Variants in PAK1 observed in about 807,000 individuals in gnomAD.
The protein encoded by PAK1 is serine/threonine-protein kinase PAK 1.
PAK1 carries 29 observed loss-of-function variants against 67.4 expected under a neutral mutation model. The observed-to-expected ratio is 0.43, with a 90% CI of 0.32 to 0.59. The LOEUF (loss-of-function observed/expected upper bound fraction) is 0.59. Ranked by LOEUF, PAK1 falls within the 20% of genes least tolerant of loss-of-function variation. The pLI is 0.07. For missense variants in PAK1, 337 were observed against 670.7 expected (o/e 0.50, Z 5.50); for synonymous variants, 223 against 237.4 (o/e 0.94, Z 0.56).
chr11:77,387,428 C>A (rs112053682), intron 2 of PAK1, among the ~76,000 whole-genome samples: 6,277 of 152,168 alleles, frequency 0.041, 455 homozygotes, highest in African/African-American at 0.14. Flanking sequence ...GGGTTGAGAA[C>A]AACTAAGAGA....
chr11:77,472,687 G>C (rs996853916), intron 1 of PAK1, among the ~76,000 whole-genome samples: 59 of 152,304 alleles, frequency 3.9e-4, no homozygotes, highest in African/African-American at 1.4e-3. Flanking sequence ...AAATGTAGGA[G>C]GCAAAATTAA....
the PAK1 span, among the ~76,000 whole-genome samples, chr11:77,517,986 C>T: frequency 9.2e-5 from 14 of 152,126 alleles, no homozygotes; most frequent in Non-Finnish European, 1.8e-4. Context: ...AAGCTTCGCT[C>T]GCCTGCCACT....
At chr11:77,504,285 C>CA in the PAK1 span, among the ~76,000 whole-genome samples, 3,684 of 137,582 alleles carry the variant, frequency 0.027, 60 homozygotes, top group African/African-American at 0.048. Context: ...CTTTCTAAAG[C>CA]AAAAAAAAAA....
chr11:77,341,521 A>G (rs1255399551), intron 10 of PAK1, among the ~76,000 whole-genome samples: 2 of 152,224 alleles, frequency 1.3e-5, no homozygotes, highest in East Asian at 3.9e-4. Context: ...TTATGGGCTG[A>G]CATGAGTTAG....
At chr11:77,524,868 A>G in the PAK1 span, among the ~76,000 whole-genome samples, 317 of 152,340 alleles carry the variant, frequency 2.1e-3, 3 homozygotes, top group African/African-American at 6.9e-3. Context: ...TTACCTGTCA[A>G]AGAAAAAGCA....
intron 14 of PAK1, among the ~76,000 whole-genome samples, chr11:77,332,366 A>AGGGG (rs1297916385): frequency 3.7e-3 from 1 of 272 alleles, no homozygotes; most frequent in Non-Finnish European, 0.01. Context: ...AGGGAAGGGA[A>AGGGG]AGGAAGGGAA....
chr11:77,483,414 C>T, the PAK1 span, among the ~76,000 whole-genome samples: 1 of 152,156 alleles, frequency 6.6e-6, no homozygotes, highest in African/African-American at 2.4e-5. Flanking sequence ...AAAAATTTAG[C>T]ACACCAGTCT....
the PAK1 span, among the ~76,000 whole-genome samples, chr11:77,527,409 A>C: frequency 6.6e-6 from 1 of 152,164 alleles, no homozygotes; most frequent in African/African-American, 2.4e-5. Flanking sequence ...GGCCTGGGTC[A>C]TTAATTTATA....
chr11:77,443,611 A>G (rs969731073), intron 1 of PAK1, among the ~76,000 whole-genome samples: 7 of 152,226 alleles, frequency 4.6e-5, no homozygotes, highest in African/African-American at 1.7e-4. Flanking sequence ...ACTGAAACTT[A>G]AGAGGTTAAA....
At chr11:77,382,262 G>C (rs1949933373) in intron 2 of PAK1, among the ~76,000 whole-genome samples, 1 of 152,190 alleles carries the variant, frequency 6.6e-6, no homozygotes, top group South Asian at 2.1e-4. Flanking sequence ...AAGAGTTCCA[G>C]AGAAATGAAA....
At chr11:77,374,113 A>G (rs1948789570) in intron 5 of PAK1, among the ~76,000 whole-genome samples, 1 of 152,246 alleles carries the variant, frequency 6.6e-6, no homozygotes, top group Non-Finnish European at 1.5e-5. Flanking sequence ...TAAAAAAATT[A>G]TCACAAAGAA....
chr11:77,445,526 T>C (rs1956557896), intron 1 of PAK1, among the ~76,000 whole-genome samples: 1 of 152,238 alleles, frequency 6.6e-6, no homozygotes, highest in South Asian at 2.1e-4. Context: ...TCTACCATTC[T>C]TAGGGAAAAA....
At chr11:77,398,843 C>T (rs544736913) in intron 1 of PAK1, among the ~76,000 whole-genome samples, 98 of 152,168 alleles carry the variant, frequency 6.4e-4, no homozygotes, top group African/African-American at 2.2e-3. Context: ...CTTTGTGTTC[C>T]GCTACTTCTG....
At position 77,417,303 on chromosome 11, in the gene PAK1, A is replaced by G. The variant is rs115361692; in HGVS notation, c.-21-24762T>C. Among the ~76,000 whole-genome samples, 1,120 of 152,366 alleles carry G rather than the reference A, an allele frequency of 7.4e-3. 25 individuals carry two copies. The highest frequency in any genetic ancestry group is 0.026 in the African/African-American group (1,070 of 41,584). On this transcript the variant is annotated intron_variant, in intron 1 of 14. Coordinates refer to ENST00000356341, the MANE Select transcript of PAK1 (RefSeq NM_002576.5). The stretch of plus-strand genomic sequence containing the variant: ...CAATATAGTATTATTCAGTAAAAAA[A>G]GAAATGAACTATCAACCCACAAAAA...
intron 13 of PAK1, 102 bp from the exon 14 acceptor site, chr11:77,332,969 G>T: frequency 9.4e-7 from 1 of 1,061,996 alleles, no homozygotes; most frequent in Non-Finnish European, 1.4e-6. Flanking sequence ...TATGCTCTAG[G>T]ATGCAAAGTA....
At chr11:77,336,326 C>T in intron 12 of PAK1, 44 bp from the exon 13 acceptor site, 2 of 1,454,760 alleles carry the variant, frequency 1.4e-6, no homozygotes, top group Middle Eastern at 1.8e-4. Context: ...TTAGGATATA[C>T]ACTCACTTCA....
the PAK1 span, among the ~76,000 whole-genome samples, chr11:77,517,580 C>T: frequency 4.6e-5 from 7 of 152,184 alleles, no homozygotes; most frequent in African/African-American, 1.2e-4. Flanking sequence ...TCATGGAAGA[C>T]GATGTTTCCA....
intron 1 of PAK1, among the ~76,000 whole-genome samples, chr11:77,426,876 T>G (rs938823047): frequency 2.0e-5 from 3 of 148,174 alleles, no homozygotes; most frequent in Non-Finnish European, 4.4e-5. Flanking sequence ...GTGCTATGAT[T>G]ATGAAACACA....
the PAK1 span, among the ~76,000 whole-genome samples, chr11:77,488,774 A>G: frequency 1.3e-5 from 2 of 152,168 alleles, no homozygotes; most frequent in African/African-American, 2.4e-5. Flanking sequence ...AATTTTTTAA[A>G]AAAGGAAGTA....
Sources: gnomAD v4.1 joint callset for allele counts (sites outside exome capture counted in the v4.1 genomes callset) on GRCh38, gnomAD v4.1.1 for gene constraint, MANE v1.5 for transcripts, NCBI Gene and HGNC (gene_info 2026-07-23, HGNC 2026-07-21) for gene names.